GRAMD1B: variants seen among roughly 807,000 people sequenced by gnomAD.
GRAMD1B encodes the protein protein Aster-B.
In GRAMD1B, 37 loss-of-function variants were observed where a neutral mutation model predicts 99.7. The observed-to-expected ratio is 0.37, with a 90% confidence interval of 0.29 to 0.49. The LOEUF (loss-of-function observed/expected upper bound fraction) is 0.49. GRAMD1B is among the 20% of genes least tolerant of loss of function. The probability of loss-of-function intolerance (pLI) is 0.98; values close to 1 mark genes in which losing one functional copy is unlikely to be tolerated. For missense variants in GRAMD1B, 888 were observed against 1,009.2 expected, an observed-to-expected ratio of 0.88 and a Z score of 1.63; for synonymous variants, 427 against 387.6, an observed-to-expected ratio of 1.10 and a Z score of -1.19.
intron 2 of GRAMD1B, among the ~76,000 whole-genome samples, chr11:123,531,407 G>T (rs1017335665): frequency 7.0e-6 from 1 of 142,860 alleles, no homozygotes; most frequent in Non-Finnish European, 1.6e-5. Flanking sequence ...AACATTATTT[G>T]CTTTGTTGTG....
At chr11:123,513,377 C>G (rs1334000301) in intron 2 of GRAMD1B, among the ~76,000 whole-genome samples, 1 of 151,892 alleles carries the variant, frequency 6.6e-6, no homozygotes, top group Non-Finnish European at 1.5e-5. Context: ...TGTCATAGTA[C>G]TACCCTTTTT....
chr11:123,463,730 A>G (rs1261483878), intron 1 of GRAMD1B, among the ~76,000 whole-genome samples: 1 of 152,242 alleles, frequency 6.6e-6, no homozygotes, highest in East Asian at 1.9e-4. Flanking sequence ...ACAGCGCCCA[A>G]TAGGCCAGGG....
At chr11:123,609,694 A>T in intron 12 of GRAMD1B, 101 bp from the exon 13 acceptor site, 1 of 651,986 alleles carries the variant, frequency 1.5e-6, no homozygotes, top group Middle Eastern at 3.0e-4. Context: ...GGGGCCAGGC[A>T]GTAGTAAGCA....
intron 2 of GRAMD1B, among the ~76,000 whole-genome samples, chr11:123,572,639 G>A (rs1327358642): frequency 6.6e-6 from 1 of 152,178 alleles, no homozygotes; most frequent in African/African-American, 2.4e-5. Flanking sequence ...TGTGGGCTTA[G>A]TCTGGAAGTG....
intron 2 of GRAMD1B, among the ~76,000 whole-genome samples, chr11:123,567,970 T>C (rs559694010): frequency 6.6e-6 from 1 of 152,284 alleles, no homozygotes; most frequent in East Asian, 1.9e-4. Context: ...GCTCAGACTT[T>C]CCCTTGTACC....
intron 4 of GRAMD1B, among the ~76,000 whole-genome samples, chr11:123,586,173 G>A (rs1054990859): frequency 3.3e-5 from 5 of 152,154 alleles, no homozygotes; most frequent in African/African-American, 9.7e-5. Context: ...CTGGAGGATG[G>A]GGTGGGCCAG....
chr11:123,542,924 G>T (rs994505644), intron 2 of GRAMD1B, among the ~76,000 whole-genome samples: 9 of 152,204 alleles, frequency 5.9e-5, no homozygotes, highest in Admixed American at 5.9e-4. Flanking sequence ...AAAGTGCTGG[G>T]ATTACAGGCA....
chr11:123,541,426 A>G (rs1591899819), intron 2 of GRAMD1B, among the ~76,000 whole-genome samples: 2 of 151,974 alleles, frequency 1.3e-5, no homozygotes, highest in East Asian at 1.9e-4. Flanking sequence ...GCCTTTGCCA[A>G]TCTGATATTT....
intron 1 of GRAMD1B, among the ~76,000 whole-genome samples, chr11:123,471,668 A>T (rs971565937): frequency 2.0e-5 from 3 of 152,230 alleles, no homozygotes; most frequent in African/African-American, 7.2e-5. Flanking sequence ...CCTGCTGATA[A>T]AACCAAGGAG....
At chr11:123,560,488 C>T (rs1946613989) in intron 2 of GRAMD1B, 3 of 1,232,444 alleles carry the variant, frequency 2.4e-6, no homozygotes, top group East Asian at 5.7e-5. Context: ...GCCCGAGTCC[C>T]CTCCCCCGTT....
intron 1 of GRAMD1B, among the ~76,000 whole-genome samples, chr11:123,457,102 A>C (rs1950168508): frequency 6.8e-6 from 1 of 147,124 alleles, no homozygotes; most frequent in Non-Finnish European, 1.5e-5. Context: ...ACAGAGAGAG[A>C]CCCTTTCTGA....
chr11:123,543,096 C>T (rs191850053), intron 2 of GRAMD1B, among the ~76,000 whole-genome samples: 10 of 152,072 alleles, frequency 6.6e-5, no homozygotes, highest in Admixed American at 1.3e-4. Flanking sequence ...ATTTTACTGC[C>T]GTTAAGAAAT....
At chr11:123,410,952 ATACCTC>A (rs1382815564) in intron 1 of GRAMD1B, among the ~76,000 whole-genome samples, 18 of 152,030 alleles carry the variant, frequency 1.2e-4, no homozygotes, top group Non-Finnish European at 1.0e-4. Flanking sequence ...AGTGCCTTGT[ATACCTC>A]TGATAGCACA....
chr11:123,406,843 C>A (rs1042833403), intron 1 of GRAMD1B, among the ~76,000 whole-genome samples: 5 of 152,174 alleles, frequency 3.3e-5, no homozygotes, highest in African/African-American at 9.7e-5. Flanking sequence ...ATCAGAAACA[C>A]CTCTTTATCT....
At chr11:123,530,559 T>G (rs921484386) in intron 2 of GRAMD1B, among the ~76,000 whole-genome samples, 3 of 152,228 alleles carry the variant, frequency 2.0e-5, no homozygotes, top group African/African-American at 7.2e-5. Flanking sequence ...TTTTGTGTTT[T>G]TAGTAGAGAC....
intron 1 of GRAMD1B, among the ~76,000 whole-genome samples, chr11:123,377,427 A>G (rs565935661): frequency 6.6e-6 from 1 of 152,312 alleles, no homozygotes; most frequent in East Asian, 1.9e-4. Flanking sequence ...TGCAGGAAAA[A>G]GGAAAGTTCC....
At chr11:123,541,962 T>C (rs996225155) in intron 2 of GRAMD1B, among the ~76,000 whole-genome samples, 17 of 152,232 alleles carry the variant, frequency 1.1e-4, no homozygotes, top group African/African-American at 3.6e-4. Context: ...TTGACAGTCA[T>C]GTCCATTTTC....
chr11:123,437,078 T>G (rs1949195709), intron 1 of GRAMD1B, among the ~76,000 whole-genome samples: 1 of 152,342 alleles, frequency 6.6e-6, no homozygotes, highest in Middle Eastern at 3.4e-3. Flanking sequence ...ACAAAGGACA[T>G]GAACTCATCC....
At chr11:123,391,198 A>T (rs1289390789) in intron 1 of GRAMD1B, among the ~76,000 whole-genome samples, 2 of 152,122 alleles carry the variant, frequency 1.3e-5, no homozygotes, top group Non-Finnish European at 2.9e-5. Flanking sequence ...CAGCTGACAG[A>T]TTCTTAGTAC....
Sources: gnomAD v4.1 joint callset for allele counts (sites outside exome capture counted in the v4.1 genomes callset) on GRCh38, gnomAD v4.1.1 for gene constraint, MANE v1.5 for transcripts, NCBI Gene and HGNC (gene_info 2026-07-23, HGNC 2026-07-21) for gene names.